GREB1L: variants seen among roughly 807,000 people sequenced by gnomAD.
GREB1L encodes the protein GREB1-like protein.
Under a neutral mutation model 200.8 loss-of-function variants are expected in GREB1L, and 17 were observed. The observed-to-expected ratio is 0.08, with a 90% CI of 0.06 to 0.13. The LOEUF is 0.13. Ranked by LOEUF, GREB1L falls within the 10% of genes least tolerant of loss-of-function variation. GREB1L has a pLI of 1.00. For synonymous variants in GREB1L, 789 were observed against 893.0 expected (o/e 0.88, Z 2.08); for missense variants, 1,657 against 2,367.7 (o/e 0.70, Z 6.23).
At chr18:21,301,636 T>G (rs2038618765) in intron 1 of GREB1L, among the ~76,000 whole-genome samples, 1 of 152,222 alleles carries the variant, frequency 6.6e-6, no homozygotes, top group Non-Finnish European at 1.5e-5. Context: ...CTAAGGAAAC[T>G]CTAGAAATAG....
intron 1 of GREB1L, among the ~76,000 whole-genome samples, chr18:21,318,296 G>T (rs1182109000): frequency 6.6e-6 from 1 of 152,136 alleles, no homozygotes. Flanking sequence ...AAAGAAGGAT[G>T]ATAAGGATAA....
intron 1 of GREB1L, among the ~76,000 whole-genome samples, chr18:21,326,227 G>A (rs966986581): frequency 7.9e-5 from 12 of 151,658 alleles, no homozygotes; most frequent in African/African-American, 1.9e-4. Flanking sequence ...ACGTTTTTGC[G>A]AGAAATTACA....
chr18:21,432,671 T>A (rs1235253553), intron 7 of GREB1L, among the ~76,000 whole-genome samples: 2 of 151,440 alleles, frequency 1.3e-5, no homozygotes, highest in African/African-American at 4.8e-5. Context: ...AGTTTTTTTT[T>A]TAATTAAAAA....
chr18:21,523,499 TG>T lies in GREB1L; in HGVS notation c.*679del, dbSNP rs1343924715. 6.6e-6 allele frequency: 1 copy of T among 152,270 alleles called. No individual in the cohort carries two copies. 9.4% of individuals were successfully genotyped at this position (152,270 alleles called of 1,614,324 possible). On this transcript the variant is annotated 3_prime_UTR_variant, in exon 33 of 33. Coordinates refer to ENST00000424526, the MANE Select transcript of GREB1L (RefSeq NM_001142966.3). ...GCAGAGCAGGCATTGTGTGCATTTA[TG>T]CATCTTCTCCTAGCCTAATTCCTTT...
chr18:21,333,117 G>A (rs921904321), intron 1 of GREB1L, among the ~76,000 whole-genome samples: 24 of 152,020 alleles, frequency 1.6e-4, no homozygotes, highest in African/African-American at 5.5e-4. Flanking sequence ...CGCACATACG[G>A]TCTCTCTTAT....
chr18:21,259,979 T>C (rs2037864076), intron 1 of GREB1L, among the ~76,000 whole-genome samples: 1 of 151,958 alleles, frequency 6.6e-6, no homozygotes, highest in African/African-American at 2.4e-5. Context: ...AGATGTTCTT[T>C]ATATAGAAAT....
At chr18:21,522,504 G>A (rs972539510) in intron 32 of GREB1L, among the ~76,000 whole-genome samples, 154 bp from the exon 33 acceptor site, 6 of 152,058 alleles carry the variant, frequency 3.9e-5, no homozygotes, top group Non-Finnish European at 7.4e-5. Context: ...TACTGAATTT[G>A]CAAAACTACT....
At chr18:21,461,096 CAAAAA>C (rs71178176) in intron 15 of GREB1L, among the ~76,000 whole-genome samples, 1 of 130,068 alleles carries the variant, frequency 7.7e-6, no homozygotes, top group South Asian at 2.5e-4. Context: ...GACTCCATCT[CAAAAA>C]AAAAAAAAGA....
intron 17 of GREB1L, among the ~76,000 whole-genome samples, chr18:21,481,465 GTGTGTGTGTGTGTA>G (rs1259518060): frequency 1.1e-4 from 11 of 103,336 alleles, no homozygotes; most frequent in African/African-American, 1.5e-4. Flanking sequence ...GTGTGTGTGT[GTGTGTGTGTGTGTA>G]TATATATATA....
intron 1 of GREB1L, among the ~76,000 whole-genome samples, chr18:21,330,613 T>C (rs1413430911): frequency 6.6e-6 from 1 of 152,168 alleles, no homozygotes; most frequent in Admixed American, 6.5e-5. Flanking sequence ...GTCCCACCCA[T>C]GGAAGTGGCA....
intron 23 of GREB1L, among the ~76,000 whole-genome samples, chr18:21,503,639 C>T (rs1464986960): frequency 2.7e-5 from 4 of 148,636 alleles, no homozygotes; most frequent in Non-Finnish European, 4.5e-5. Flanking sequence ...TGCAGTGGTG[C>T]GATCTTGGCT....
intron 11 of GREB1L, among the ~76,000 whole-genome samples, chr18:21,447,617 GGTT>G (rs2034294994): frequency 1.3e-5 from 2 of 152,172 alleles, no homozygotes; most frequent in Non-Finnish European, 2.9e-5. Context: ...TGAGCTTTCA[GGTT>G]GTTAATGAAA....
rs776950345 is a variant in GREB1L at position 21,495,800 on chromosome 18, A to G, written c.3146+15A>G. On this transcript the variant is annotated intron_variant, in intron 20 of 32. Coordinates refer to ENST00000424526, the MANE Select transcript of GREB1L (RefSeq NM_001142966.3). The stretch of plus-strand genomic sequence containing the variant: ...ACCTTTCCCAGGTACAGTTTCAATA[A>G]TTAATTCCATTTTTCATCAGTTGCC... The G allele has an allele frequency of 3.4e-5, 46 of 1,356,008 alleles. No homozygotes were observed. The highest frequency in any genetic ancestry group is 6.5e-5 in the South Asian group (5 of 77,102). 84.0% of individuals were successfully genotyped at this position (1,356,008 alleles called of 1,614,324 possible).
intron 1 of GREB1L, among the ~76,000 whole-genome samples, chr18:21,344,403 AAACAACAACAAC>A (rs146104394): frequency 7.3e-5 from 11 of 150,226 alleles, no homozygotes; most frequent in Non-Finnish European, 1.2e-4. Context: ...TCTGTCTCAA[AAACAACAACAAC>A]AACAACAACA....
intron 1 of GREB1L, among the ~76,000 whole-genome samples, chr18:21,348,578 C>T (rs2039387542): frequency 6.6e-6 from 1 of 151,926 alleles, no homozygotes; most frequent in Admixed American, 6.6e-5. Context: ...AGTTCGAGAC[C>T]AGCCTGGCCA....
chr18:21,439,914 C>T (rs1208796907), intron 8 of GREB1L, among the ~76,000 whole-genome samples: 1 of 152,202 alleles, frequency 6.6e-6, no homozygotes, highest in Admixed American at 6.5e-5. Flanking sequence ...ATTCAAAGTT[C>T]TCTGTTGTGT....
At chr18:21,500,336 T>G in intron 22 of GREB1L, 30 bp downstream of exon 22, 1 of 984,646 alleles carries the variant, frequency 1.0e-6, no homozygotes, top group Non-Finnish European at 1.5e-6. Flanking sequence ...GGCCGTTTCT[T>G]AGGCTGGGGT....
chr18:21,277,737 A>AC (rs777308468), intron 1 of GREB1L, among the ~76,000 whole-genome samples: 3 of 152,096 alleles, frequency 2.0e-5, no homozygotes, highest in African/African-American at 4.8e-5. Flanking sequence ...TGCCATCCAC[A>AC]CCATGCCGTG....
intron 10 of GREB1L, among the ~76,000 whole-genome samples, chr18:21,443,030 A>G (rs190462904): frequency 1.3e-5 from 2 of 149,294 alleles, no homozygotes; most frequent in East Asian, 4.0e-4. Context: ...CTGCCTCCTG[A>G]GTAGCTGAGA....
Sources: allele counts gnomAD v4.1 joint callset (sites outside exome capture counted in the v4.1 genomes callset), GRCh38; gene constraint gnomAD v4.1.1; transcripts MANE v1.5; gene names NCBI Gene and HGNC (gene_info 2026-07-23, HGNC 2026-07-21).